Variants in SGCD observed in about 807,000 individuals in gnomAD.
The protein encoded by SGCD is delta-sarcoglycan.
A neutral mutation model predicts 36.6 loss-of-function variants in SGCD; 18 were observed. That is an observed-to-expected ratio of 0.49 (90% CI 0.34 to 0.73). SGCD has a LOEUF of 0.73. Ranked by LOEUF, SGCD falls within the 30% of genes least tolerant of loss-of-function variation. SGCD has a pLI of 0.01. For missense variants in SGCD, 387 were observed against 346.7 expected (o/e 1.12, Z -0.92); for synonymous variants, 133 against 130.6 (o/e 1.02, Z -0.12).
intron 3 of SGCD, among the ~76,000 whole-genome samples, chr5:156,150,192 A>G (rs538861389): frequency 1.4e-5 from 2 of 147,430 alleles, no homozygotes; most frequent in Admixed American, 6.7e-5. Flanking sequence ...TCTTTTTGCA[A>G]CTCCTTTTGG....
At chr5:155,997,897 ACCTTTTT>A (rs1297540417) in intron 1 of SGCD, among the ~76,000 whole-genome samples, 3 of 152,202 alleles carry the variant, frequency 2.0e-5, no homozygotes, top group Non-Finnish European at 4.4e-5. Context: ...TTAGAGAGAG[ACCTTTTT>A]TTGGTCAATC....
At chr5:156,518,263 G>A (rs1042452428) in intron 4 of SGCD, among the ~76,000 whole-genome samples, 3 of 152,126 alleles carry the variant, frequency 2.0e-5, no homozygotes, top group African/African-American at 7.2e-5. Flanking sequence ...AATGGTAAAT[G>A]GTTCAATTCA....
chr5:156,079,177 A>G (rs1441585480), intron 1 of SGCD, among the ~76,000 whole-genome samples: 1 of 152,150 alleles, frequency 6.6e-6, no homozygotes, highest in African/African-American at 2.4e-5. Context: ...GCAAGATGCC[A>G]CACACCTCTC....
rs184315040 is a variant in SGCD at position 156,466,015 on chromosome 5, C to A, written c.193-42586C>A. On this transcript the variant is annotated intron_variant, in intron 3 of 8. Coordinates refer to ENST00000337851, the MANE Select transcript of SGCD (RefSeq NM_000337.6). ...AAAAGCAATATACTTATTCCTTCCC[C>A]TTTGGGACAATATCTTTCAAATCTC... Among the ~76,000 whole-genome samples, 44 of 152,308 alleles carry A rather than the reference C, an allele frequency of 2.9e-4. No individual in the cohort carries two copies. In the South Asian group the frequency reaches 2.9e-3, roughly 10 times the overall value.
intron 7 of SGCD, among the ~76,000 whole-genome samples, chr5:156,732,932 G>A (rs1057378153): frequency 4.6e-5 from 7 of 151,846 alleles, no homozygotes; most frequent in African/African-American, 1.2e-4. Context: ...CTCCCTTGTC[G>A]TTTCTGATTG....
chr5:156,679,040 A>C (rs1753622973), intron 7 of SGCD, among the ~76,000 whole-genome samples: 1 of 152,232 alleles, frequency 6.6e-6, no homozygotes, highest in Non-Finnish European at 1.5e-5. Context: ...ACCAGTGGAG[A>C]ATGCAGCATT....
At chr5:156,741,124 A>G (rs1048879122) in intron 7 of SGCD, among the ~76,000 whole-genome samples, 1 of 152,186 alleles carries the variant, frequency 6.6e-6, no homozygotes, top group Non-Finnish European at 1.5e-5. Context: ...CGCTCCCCAA[A>G]GTAACAAAAG....
chr5:155,973,224 C>T (rs1438324171), intron 1 of SGCD, among the ~76,000 whole-genome samples: 2 of 152,148 alleles, frequency 1.3e-5, no homozygotes, highest in Admixed American at 6.6e-5. Context: ...TATTTACCCA[C>T]ATCCATTTGC....
intron 6 of SGCD, among the ~76,000 whole-genome samples, chr5:156,610,686 C>G (rs1761752657): frequency 6.6e-6 from 1 of 152,232 alleles, no homozygotes; most frequent in Non-Finnish European, 1.5e-5. Context: ...GCGGTGGGCT[C>G]CACCCAGTTC....
chr5:155,793,953 G>GAAAAA, the SGCD span, among the ~76,000 whole-genome samples: 2 of 100,346 alleles, frequency 2.0e-5, no homozygotes, highest in African/African-American at 7.1e-5. Flanking sequence ...AAGCAAAAAT[G>GAAAAA]AAAAAAAAAA....
chr5:156,724,440 T>A (rs533031391), intron 7 of SGCD, among the ~76,000 whole-genome samples: 1 of 151,982 alleles, frequency 6.6e-6, no homozygotes, highest in East Asian at 1.9e-4. Flanking sequence ...CCGCCTCTAT[T>A]AAAAATACAA....
chr5:156,729,518 A>G (rs955899599), intron 7 of SGCD, among the ~76,000 whole-genome samples: 5 of 152,220 alleles, frequency 3.3e-5, no homozygotes, highest in African/African-American at 1.2e-4. Context: ...ATGAAATGGG[A>G]TGATACACAT....
chr5:155,890,215 C>A (rs900249502), intron 1 of SGCD, among the ~76,000 whole-genome samples: 1 of 152,120 alleles, frequency 6.6e-6, no homozygotes, highest in African/African-American at 2.4e-5. Flanking sequence ...TGCAGGCAGA[C>A]AAACATCTAA....
At chr5:155,814,590 T>A in the SGCD span, among the ~76,000 whole-genome samples, 1 of 152,180 alleles carries the variant, frequency 6.6e-6, no homozygotes, top group Non-Finnish European at 1.5e-5. Context: ...TACACATTTT[T>A]AAAAATATTT....
intron 3 of SGCD, among the ~76,000 whole-genome samples, chr5:156,255,825 G>T (rs939133811): frequency 4.6e-5 from 7 of 151,880 alleles, no homozygotes; most frequent in Non-Finnish European, 5.9e-5. Context: ...TGAACTTTAT[G>T]TAGTATTTTT....
chr5:156,545,958 A>G (rs920703272), intron 4 of SGCD, among the ~76,000 whole-genome samples: 4 of 152,310 alleles, frequency 2.6e-5, no homozygotes, highest in Admixed American at 2.6e-4. Context: ...AGTGGGTGTC[A>G]GTTTCTTCTT....
intron 4 of SGCD, among the ~76,000 whole-genome samples, chr5:156,531,164 CTTCTGCCATGTGAGGACATAGTATTCCT>C (rs1489944963): frequency 2.0e-5 from 3 of 152,190 alleles, no homozygotes; most frequent in African/African-American, 7.2e-5. Context: ...CCTGTCTCCT[CTTCTGCCATGTGAGGACATAGTATTCCT>C]CCCTTGGAGG....
chr5:156,698,239 A>C (rs1754394813), intron 7 of SGCD, among the ~76,000 whole-genome samples: 2 of 152,210 alleles, frequency 1.3e-5, no homozygotes, highest in African/African-American at 4.8e-5. Context: ...TAGGCATGAA[A>C]TCACTCATAA....
rs111980824 is a variant in SGCD at position 156,572,355 on chromosome 5, A to G, written c.295-16876A>G. On this transcript the variant is annotated intron_variant, in intron 4 of 8. Coordinates refer to ENST00000337851, the MANE Select transcript of SGCD (RefSeq NM_000337.6). The stretch of plus-strand genomic sequence containing the variant: ...TTTCATAGCAGTCGCACCCTTTTAC[A>G]TTCCCACCAGCAGTGTATGAGGGTT... Among the ~76,000 whole-genome samples, 1,389 of 152,286 alleles carry G rather than the reference A, an allele frequency of 9.1e-3. 10 individuals carry two copies. The highest frequency in any genetic ancestry group is 0.032 in the African/African-American group (1,315 of 41,560).
Sources: gnomAD v4.1 joint callset for allele counts (sites outside exome capture counted in the v4.1 genomes callset) on GRCh38, gnomAD v4.1.1 for gene constraint, MANE v1.5 for transcripts, NCBI Gene and HGNC (gene_info 2026-07-23, HGNC 2026-07-21) for gene names.